GREB1L: variants seen among roughly 807,000 people sequenced by gnomAD.
GREB1L encodes GREB1 like retinoic acid receptor coactivator.
GREB1L carries 17 observed loss-of-function variants against 200.8 expected under a neutral mutation model. That is an observed-to-expected ratio of 0.08 (90% confidence interval 0.06 to 0.13). GREB1L has a LOEUF of 0.13. GREB1L is among the 10% of genes least tolerant of loss of function. The pLI is 1.00. For synonymous variants in GREB1L, 789 were observed against 893.0 expected, an observed-to-expected ratio of 0.88 and a Z score of 2.08; for missense variants, 1,657 against 2,367.7, an observed-to-expected ratio of 0.70 and a Z score of 6.23.
Position 21,485,616 on chromosome 18 carries a change from C to A in GREB1L, c.2557-4C>A. 2 of 1,550,420 alleles carry A rather than the reference C, an allele frequency of 1.3e-6. No individual in the cohort carries two copies. The highest frequency in any genetic ancestry group is 1.7e-6 in the Non-Finnish European group (2 of 1,146,396). On this transcript the variant is annotated splice_region_variant and splice_polypyrimidine_tract_variant and intron_variant, in intron 17 of 32. Coordinates refer to ENST00000424526, the MANE Select transcript of GREB1L (RefSeq NM_001142966.3). ...TTGGGTTTTTGCTCTGTATTTTGAA[C>A]CAGGAGGACGTGGGCTGCGAGGAGA...
At chr18:21,447,771 A>T (rs778511482) in intron 11 of GREB1L, among the ~76,000 whole-genome samples, 6 of 152,182 alleles carry the variant, frequency 3.9e-5, no homozygotes, top group Non-Finnish European at 7.3e-5. Context: ...ATTAACCATG[A>T]TGCCAATTTG....
intron 6 of GREB1L, among the ~76,000 whole-genome samples, chr18:21,403,042 C>T (rs1215643305): frequency 6.6e-6 from 1 of 152,090 alleles, no homozygotes; most frequent in East Asian, 1.9e-4. Flanking sequence ...TAGAAAACTG[C>T]TTCCAGTCCT....
At chr18:21,301,927 A>C (rs72881349) in intron 1 of GREB1L, among the ~76,000 whole-genome samples, 6,958 of 152,236 alleles carry the variant, frequency 0.046, 219 homozygotes, top group Non-Finnish European at 0.073. Flanking sequence ...AATTGGAAGG[A>C]GGTTGCTTAA....
chr18:21,467,905 G>T (rs2035325179), intron 15 of GREB1L, among the ~76,000 whole-genome samples: 1 of 151,816 alleles, frequency 6.6e-6, no homozygotes, highest in African/African-American at 2.4e-5. Context: ...TGCACCTGTA[G>T]TCCCAGCTAC....
chr18:21,331,959 G>A (rs1298805237), intron 1 of GREB1L, among the ~76,000 whole-genome samples: 3 of 152,036 alleles, frequency 2.0e-5, no homozygotes, highest in Non-Finnish European at 4.4e-5. Context: ...AAACAAATTG[G>A]TATTCTGAAA....
intron 15 of GREB1L, among the ~76,000 whole-genome samples, chr18:21,458,260 C>T (rs531004503): frequency 3.9e-5 from 6 of 152,192 alleles, no homozygotes; most frequent in African/African-American, 1.2e-4. Flanking sequence ...TGTGAGCCAC[C>T]GCGCCCGGCC....
intron 17 of GREB1L, among the ~76,000 whole-genome samples, chr18:21,482,615 G>A (rs1200259949): frequency 6.6e-6 from 1 of 150,992 alleles, no homozygotes; most frequent in Non-Finnish European, 1.5e-5. Context: ...TAAGATGCAG[G>A]TGAGCACACC....
intron 1 of GREB1L, among the ~76,000 whole-genome samples, chr18:21,342,201 A>C (rs1211642398): frequency 6.6e-6 from 1 of 152,104 alleles, no homozygotes; most frequent in Non-Finnish European, 1.5e-5. Context: ...GAATGTTGAA[A>C]TGATGTCCAC....
At position 21,265,903 on chromosome 18, in the gene GREB1L, A is replaced by G. The variant is rs187097623; in HGVS notation, c.-120+23510A>G. On this transcript the variant is annotated intron_variant, in intron 1 of 32. Coordinates refer to ENST00000424526, the MANE Select transcript of GREB1L (RefSeq NM_001142966.3). ...CAACACAGCAATACAGTAAAAGCCT[A>G]TGTTCATGGAGATAAGATCTGGCTT... Among the ~76,000 whole-genome samples the G allele has an allele frequency of 2.0e-5, 3 of 152,296 alleles. No individual in the cohort carries two copies. The East Asian group carries it at 5.8e-4, about 29-fold the overall frequency.
intron 19 of GREB1L, among the ~76,000 whole-genome samples, chr18:21,492,171 C>G (rs1052167305): frequency 7.2e-5 from 11 of 151,836 alleles, no homozygotes; most frequent in African/African-American, 2.7e-4. Flanking sequence ...ACGGTGAAAC[C>G]CTGTCTCTAC....
intron 2 of GREB1L, among the ~76,000 whole-genome samples, chr18:21,374,850 C>CTTTTT: frequency 7.7e-6 from 1 of 130,258 alleles, no homozygotes; most frequent in Non-Finnish European, 1.6e-5. Context: ...TTTCCTTTTC[C>CTTTTT]TTTTTTTTTT....
In GREB1L at chr18:21,499,918, C is replaced by A. The variant is rs1398092252; in HGVS notation, c.3581C>A (p.Ala1194Glu). 6.5e-7 allele frequency: 1 copy of A among 1,549,148 alleles called. No homozygotes were observed. Among genetic ancestry groups the A allele is most frequent in the Non-Finnish European group, 8.7e-7 (1 of 1,145,860 alleles). Residue 1194 changes from alanine to glutamate, a missense_variant, in exon 22 of 33, where the codon GCG (alanine) becomes GAG (glutamate). This residue lies in a region of GREB1L where 512 missense variants were observed against 668.3 expected (regional missense o/e 0.77). Coordinates refer to ENST00000424526, the MANE Select transcript of GREB1L (RefSeq NM_001142966.3). ...TGTGACTCCCTGGGCCCCCAGATGG[C>A]GAGCAGCACCACCTCCAAGCCGTCA... ...QECDSLGPQM[A>E]SSTTSKPSSS...
At chr18:21,415,431 G>A (rs1410263387) in intron 7 of GREB1L, among the ~76,000 whole-genome samples, 1 of 152,152 alleles carries the variant, frequency 6.6e-6, no homozygotes, top group African/African-American at 2.4e-5. Context: ...CAGTAGGAAC[G>A]CTTGAGGCTG....
intron 7 of GREB1L, among the ~76,000 whole-genome samples, chr18:21,412,036 A>G (rs908404339): frequency 1.5e-5 from 2 of 137,124 alleles, no homozygotes; most frequent in Non-Finnish European, 3.0e-5. Flanking sequence ...TGGGCGACAG[A>G]GCGAGACTCC....
At chr18:21,501,565 A>G (rs1169580191) in intron 23 of GREB1L, among the ~76,000 whole-genome samples, 1 of 152,182 alleles carries the variant, frequency 6.6e-6, no homozygotes, top group East Asian at 1.9e-4. Context: ...ACATGAACTC[A>G]TTCTTTTTTA....
intron 1 of GREB1L, among the ~76,000 whole-genome samples, chr18:21,351,325 A>C (rs2039429610): frequency 6.6e-6 from 1 of 152,216 alleles, no homozygotes; most frequent in African/African-American, 2.4e-5. Flanking sequence ...CTGTAATCCC[A>C]GCACTTTGGG....
chr18:21,375,351 C>T (rs749041196), intron 2 of GREB1L, among the ~76,000 whole-genome samples: 4 of 151,986 alleles, frequency 2.6e-5, no homozygotes, highest in Admixed American at 1.3e-4. Flanking sequence ...CGTGAGCCAC[C>T]GCACCTGGCC....
At chr18:21,312,003 C>T (rs1353528682) in intron 1 of GREB1L, among the ~76,000 whole-genome samples, 2 of 152,012 alleles carry the variant, frequency 1.3e-5, no homozygotes, top group Non-Finnish European at 2.9e-5. Context: ...GCAAGTAGGC[C>T]CCAGTGTCTG....
chr18:21,488,080 G>A (rs559313757), intron 18 of GREB1L, among the ~76,000 whole-genome samples: 152 of 151,972 alleles, frequency 1.0e-3, no homozygotes, highest in Non-Finnish European at 1.8e-3. Context: ...TGAGGTGGGC[G>A]GATCACCTGA....
Sources: allele counts gnomAD v4.1 joint callset (sites outside exome capture counted in the v4.1 genomes callset), GRCh38; gene constraint gnomAD v4.1.1; regional missense constraint gnomAD v4.1.1; transcripts MANE v1.5; gene names NCBI Gene and HGNC (gene_info 2026-07-23, HGNC 2026-07-21).